DMD: variants seen among roughly 807,000 people sequenced by gnomAD.
DMD encodes dystrophin.
Under a neutral mutation model 330.1 loss-of-function variants are expected in DMD, and 63 were observed. The observed-to-expected ratio is 0.19, with a 90% CI of 0.16 to 0.24. The LOEUF (loss-of-function observed/expected upper bound fraction) is 0.24. DMD is among the 10% of genes least tolerant of loss of function. The pLI, the probability that DMD is intolerant of heterozygous loss-of-function variation, is 1.00. For missense variants in DMD, 3,344 were observed against 2,684.1 expected (o/e 1.25, Z -5.43); for synonymous variants, 1,223 against 959.8 (o/e 1.27, Z -5.07).
intron 44 of DMD, among the ~76,000 whole-genome samples, chrX:32,029,316 A>G (rs2095868154): frequency 8.9e-6 from 1 of 111,856 alleles, no homozygotes; most frequent in Non-Finnish European, 1.9e-5. Flanking sequence ...CCAAGATACA[A>G]TTGAAAATGT....
Position 32,738,321 on chromosome X carries a change from A to G in DMD, c.650-39028T>C, listed in dbSNP as rs758309050. Among the ~76,000 whole-genome samples the G allele has an allele frequency of 4.5e-5, 5 of 111,729 alleles. No individual in the cohort carries two copies. The East Asian group carries it at 8.5e-4, about 19-fold the overall frequency. Reference sequence around the variant, plus strand: ...AAAAAAAATCTATGCAGACATCCCAAAATAACATTAAGACACTGGGCTTCG... The same window carrying G: ...AAAAAAAATCTATGCAGACATCCCAGAATAACATTAAGACACTGGGCTTCG... On this transcript the variant is annotated intron_variant, in intron 7 of 78. Transcript: ENST00000357033.
chrX:33,134,066 T>A (rs894778988), intron 1 of DMD, among the ~76,000 whole-genome samples: 1 of 111,874 alleles, frequency 8.9e-6, no homozygotes, highest in Admixed American at 9.6e-5. Flanking sequence ...AAGGAACTTT[T>A]GCACAGACAT....
At chrX:32,404,457 AC>A (rs1272335681) in intron 30 of DMD, among the ~76,000 whole-genome samples, 4 of 111,373 alleles carry the variant, frequency 3.6e-5, no homozygotes, top group African/African-American at 1.3e-4. Flanking sequence ...ACACGAGGTT[AC>A]AAAAAAATGA....
intron 2 of DMD, among the ~76,000 whole-genome samples, chrX:33,000,197 T>C (rs918844293): frequency 9.0e-6 from 1 of 111,684 alleles, no homozygotes; most frequent in Admixed American, 9.5e-5. Flanking sequence ...GTTTACATAA[T>C]AGAGTGTACA....
chrX:33,210,153 G>C (rs930898409), intron 1 of DMD, among the ~76,000 whole-genome samples: 19 of 110,497 alleles, frequency 1.7e-4, no homozygotes, highest in Non-Finnish European at 2.1e-4. Flanking sequence ...TATAAAGTCT[G>C]GTAGCTTTTA....
intron 1 of DMD, among the ~76,000 whole-genome samples, chrX:33,264,350 T>C (rs751444182): frequency 3.6e-5 from 4 of 111,321 alleles, no homozygotes; most frequent in African/African-American, 1.3e-4. Context: ...CCTAGGGTGG[T>C]GTGTCATAAG....
At chrX:33,129,862 G>T (rs951802351) in intron 1 of DMD, among the ~76,000 whole-genome samples, 1 of 111,800 alleles carries the variant, frequency 8.9e-6, no homozygotes, top group Admixed American at 9.6e-5. Context: ...ACTCATTGTC[G>T]TACTGCTTAG....
intron 44 of DMD, among the ~76,000 whole-genome samples, chrX:32,183,807 G>T (rs2096936251): frequency 9.2e-6 from 1 of 109,206 alleles, no homozygotes; most frequent in African/African-American, 3.3e-5. Flanking sequence ...GAGTGTGCAT[G>T]AATGTTTTTT....
chrX:32,690,517 A>C (rs1477459426), intron 9 of DMD, among the ~76,000 whole-genome samples: 2 of 111,815 alleles, frequency 1.8e-5, no homozygotes, highest in Admixed American at 9.5e-5. Context: ...TGGAACCACA[A>C]AGAATCCCAA....
At chrX:32,775,833 T>C (rs2074085708) in intron 7 of DMD, among the ~76,000 whole-genome samples, 1 of 113,101 alleles carries the variant, frequency 8.8e-6, no homozygotes, top group African/African-American at 3.2e-5. Context: ...TGCAGCAGGC[T>C]TGACTTACTC....
intron 21 of DMD, among the ~76,000 whole-genome samples, chrX:32,479,366 C>A (rs749147282): frequency 9.0e-6 from 1 of 110,938 alleles, no homozygotes; most frequent in African/African-American, 3.3e-5. Context: ...TACTAGAGAT[C>A]GCTACAATTT....
At chrX:32,817,668 C>A (rs988295643) in intron 5 of DMD, among the ~76,000 whole-genome samples, 1 of 111,982 alleles carries the variant, frequency 8.9e-6, no homozygotes, top group Non-Finnish European at 1.9e-5. Flanking sequence ...ATACTATCAA[C>A]ATTTGATCAG....
chrX:32,570,618 A>C (rs1022646472), intron 15 of DMD, among the ~76,000 whole-genome samples: 1 of 111,754 alleles, frequency 8.9e-6, no homozygotes. Flanking sequence ...AAATAGATTG[A>C]AAGGCCTGGA....
intron 54 of DMD, among the ~76,000 whole-genome samples, chrX:31,638,709 A>G (rs1384950913): frequency 8.9e-6 from 1 of 112,612 alleles, no homozygotes; most frequent in East Asian, 2.8e-4. Context: ...GTATGCAGGT[A>G]TATCTGTGTT....
At chrX:32,796,636 T>A (rs749951001) in intron 7 of DMD, among the ~76,000 whole-genome samples, 2 of 111,756 alleles carry the variant, frequency 1.8e-5, no homozygotes, top group African/African-American at 6.5e-5. Flanking sequence ...TGATAAATAC[T>A]CAAAGTAATG....
At position 33,170,958 on chromosome X, in the gene DMD, C is replaced by T. The variant is rs192725160; in HGVS notation, c.31+40324G>A. 8.1e-5 allele frequency among the ~76,000 whole-genome samples: 9 copies of T among 111,718 alleles called. No homozygotes were observed. In the East Asian group the frequency reaches 2.2e-3, roughly 28 times the overall value. On this transcript the variant is annotated intron_variant, in intron 1 of 78. Transcript: ENST00000357033. ...TTCCTCCACTGAATTTATTTTGAAA[C>T]TTTGTCAAAAATATGTTGGGCATAT...
At chrX:31,522,379 A>C (rs1172502569) in intron 55 of DMD, among the ~76,000 whole-genome samples, 3 of 87,014 alleles carry the variant, frequency 3.4e-5, no homozygotes, top group Admixed American at 1.3e-4. Flanking sequence ...ATATATATAT[A>C]TATATATAGC....
chrX:31,174,904 T>C (rs1602381375), intron 71 of DMD, among the ~76,000 whole-genome samples: 1 of 111,446 alleles, frequency 9.0e-6, no homozygotes, highest in Non-Finnish European at 1.9e-5. Flanking sequence ...CTAGGTCAAG[T>C]GTAATCATAA....
chrX:31,171,862 T>C (rs1428095395), intron 73 of DMD, among the ~76,000 whole-genome samples: 1 of 111,882 alleles, frequency 8.9e-6, no homozygotes, highest in Non-Finnish European at 1.9e-5. Flanking sequence ...CTTGTGAAGA[T>C]GCTAAATCAC....
Sources: gnomAD v4.1 joint callset for allele counts (sites outside exome capture counted in the v4.1 genomes callset) on GRCh38, gnomAD v4.1.1 for gene constraint, MANE v1.5 for transcripts, NCBI Gene and HGNC (gene_info 2026-07-23, HGNC 2026-07-21) for gene names.